The following CHTF18 variants were observed in gnomAD, a reference collection of about 807,000 sequenced individuals.
CHTF18 encodes chromosome transmission fidelity protein 18 homolog.
CHTF18 carries 151 observed loss-of-function variants against 113.4 expected under a neutral mutation model. That is an observed-to-expected ratio of 1.33 (90% confidence interval 1.17 to 1.52). The LOEUF (loss-of-function observed/expected upper bound fraction) is 1.52, where lower values mean the gene tolerates loss of function less well. Among genes scored for constraint, CHTF18 ranks in the 40% most tolerant of loss-of-function variants. The probability of loss-of-function intolerance (pLI) is 0.00; values close to 1 mark genes in which losing one functional copy is unlikely to be tolerated. For synonymous variants in CHTF18, 916 were observed against 598.8 expected (o/e 1.53, Z -7.74); for missense variants, 1,982 against 1,381.6 (o/e 1.43, Z -6.89).
chr16:790,467 G>T (rs893540531), intron 6 of CHTF18, 58 bp from the exon 7 acceptor site: 2 of 1,609,370 alleles, frequency 1.2e-6, no homozygotes, highest in East Asian at 2.2e-5. Flanking sequence ...AGCTCCTAGC[G>T]TGTGGGTTGG....
intron 14 of CHTF18, 145 bp from the exon 15 acceptor site, chr16:793,909 C>A: frequency 1.1e-6 from 1 of 902,682 alleles, no homozygotes; most frequent in Non-Finnish European, 1.7e-6. Flanking sequence ...TTGGCTGTCT[C>A]CACCTGAGCG....
Position 793,267 on chromosome 16 carries a change from G to T in CHTF18, c.1795G>T (p.Ala599Ser), listed in dbSNP as rs2042251670. Residue 599 changes from alanine to serine, a missense_variant, in exon 14 of 22, where the codon GCC (alanine) becomes TCC (serine). Physicochemically the swap from Ala to Ser is moderately conservative, Grantham distance 99. Coordinates refer to ENST00000262315, the MANE Select transcript of CHTF18 (RefSeq NM_022092.3). ...GCAGGAGGTCTTCCAGCTGCCTCGA[G>T]CCCAGAGGTAGGCGGTGGCCACAGC... is the stretch of plus-strand genomic sequence containing the variant. ...VWQEVFQLPRAQRRRVGQDPA... is the reference protein window; with the variant it reads ...VWQEVFQLPRSQRRRVGQDPA... 1.2e-6 allele frequency: 2 copies of T among 1,606,952 alleles called. No homozygotes were observed. The highest frequency in any genetic ancestry group is 8.5e-7 in the Non-Finnish European group (1 of 1,178,454).
chr16:790,130 T>C (rs1377753304), intron 4 of CHTF18, 47 bp from the exon 5 acceptor site: 3 of 1,551,626 alleles, frequency 1.9e-6, no homozygotes, highest in African/African-American at 2.7e-5. Flanking sequence ...ACGTGAATCC[T>C]GTGACCTAGG....
In CHTF18 at chr16:798,064, A is replaced by G; in HGVS notation, c.*89A>G. On this transcript the variant is annotated 3_prime_UTR_variant, in exon 22 of 22. Coordinates refer to ENST00000262315, the MANE Select transcript of CHTF18 (RefSeq NM_022092.3). ...GATGTCTTTATAAAGTCACACCTTT[A>G]CAGACTGTAATCACGTGCGAGTGGA... is the stretch of plus-strand genomic sequence containing the variant. The G allele has an allele frequency of 2.0e-6, 3 of 1,501,584 alleles. No individual in the cohort carries two copies. The highest frequency in any genetic ancestry group is 2.7e-6 in the Non-Finnish European group (3 of 1,116,032). The allele number at this position is 1,501,584 out of a possible 1,614,324, so 93.0% of individuals were successfully genotyped here.
intron 18 of CHTF18, 122 bp downstream of exon 18, chr16:796,199 C>G (rs1023002527): frequency 3.1e-6 from 4 of 1,304,512 alleles, no homozygotes; most frequent in African/African-American, 1.5e-5. Flanking sequence ...GGTGGCGGGC[C>G]CCAGCTTATC....
In CHTF18 at chr16:790,653, T is replaced by G; in HGVS notation, c.881T>G (p.Leu294Arg). Reference sequence around the variant, plus strand: ...TTTGCACCCCGCCACTACACGGAGCTGCTCAGTGATGACGTGAGGTCTTGT... The same window carrying G: ...TTTGCACCCCGCCACTACACGGAGCGGCTCAGTGATGACGTGAGGTCTTGT... ...DEFAPRHYTELLSDDFTNRCL... is the reference protein window; with the variant it reads ...DEFAPRHYTERLSDDFTNRCL... The change falls in exon 7 of 22, where the codon CTG becomes CGG. Residue 294 changes from leucine (L) to arginine (R), a missense_variant. Coordinates refer to ENST00000262315, the MANE Select transcript of CHTF18 (RefSeq NM_022092.3). 6.3e-7 allele frequency: 1 copy of G among 1,577,070 alleles called. No individual in the cohort carries two copies. The highest frequency in any genetic ancestry group is 8.6e-7 in the Non-Finnish European group (1 of 1,168,082).
At position 797,048 on chromosome 16, in the gene CHTF18, C is replaced by T. The variant is rs370999652; in HGVS notation, c.2689C>T (p.Gln897Ter). 7.7e-6 allele frequency: 12 copies of T among 1,559,986 alleles called. No homozygotes were observed. The highest frequency in any genetic ancestry group is 1.2e-5 in the South Asian group (1 of 83,084). ...CCGACCTGCCCCACGCAACCATGAG[C>T]AGCGGCTGGAGCACATCATGAGGCG... ...VHRPAPRNHEQRLEHIMRRAA... is the reference protein window; with the variant it reads ...VHRPAPRNHE Residue 897 changes from glutamine to a stop codon, truncating the protein, a stop_gained, in exon 20 of 22, where the codon CAG (glutamine) becomes TAG (stop). Coordinates refer to ENST00000262315, the MANE Select transcript of CHTF18 (RefSeq NM_022092.3). LOFTEE classifies it high-confidence loss of function.
chr16:793,428 T>C (rs367781057), intron 14 of CHTF18, among the ~76,000 whole-genome samples, 154 bp downstream of exon 14: 1 of 152,012 alleles, frequency 6.6e-6, no homozygotes, highest in African/African-American at 2.4e-5. Flanking sequence ...TCCTCAGCCT[T>C]TTCCTGGCTT....
chr16:791,845 C>G lies in CHTF18; in HGVS notation c.1105-6C>G. 2 of 1,599,574 alleles carry G rather than the reference C, an allele frequency of 1.3e-6. No individual in the cohort carries two copies. The highest frequency in any genetic ancestry group is 1.3e-5 in the African/African-American group (1 of 74,866). On this transcript the variant is annotated splice_region_variant and splice_polypyrimidine_tract_variant and intron_variant, in intron 8 of 21. Coordinates refer to ENST00000262315, the MANE Select transcript of CHTF18 (RefSeq NM_022092.3). The stretch of plus-strand genomic sequence containing the variant: ...CACACTACGCCTTCATCTACCTGGG[C>G]TGCAGGTGGCACTGCTCTGTGGGCC...
chr16:795,906 C>A, intron 17 of CHTF18, 41 bp from the exon 18 acceptor site: 1 of 1,601,286 alleles, frequency 6.2e-7, no homozygotes, highest in South Asian at 1.1e-5. Flanking sequence ...CACATTTGTA[C>A]AGCCTGCTCA....
chr16:795,234 G>T lies in CHTF18; in HGVS notation c.2053G>T (p.Ala685Ser). Residue 685 changes from alanine to serine, a missense_variant, in exon 16 of 22, where the codon GCT (alanine) becomes TCT (serine). By Grantham distance (99) the Ala-to-Ser change is moderately conservative. Coordinates refer to ENST00000262315, the MANE Select transcript of CHTF18 (RefSeq NM_022092.3). ...GGCCTTCGATGACCTGCTGGCGGGG[G>T]CTGCTCATCACAGCCAGAGCTTCCA... is the stretch of plus-strand genomic sequence containing the variant. Reference protein sequence around the residue: ...WLAFDDLLAGAAHHSQSFQLL... With the variant: ...WLAFDDLLAGSAHHSQSFQLL... 6.4e-7 allele frequency: 1 copy of T among 1,550,778 alleles called. No individual in the cohort carries two copies. Among genetic ancestry groups the T allele is most frequent in the Non-Finnish European group, 8.7e-7 (1 of 1,147,594 alleles).
At position 795,731 on chromosome 16, in the gene CHTF18, T is replaced by G. The variant is rs979223978; in HGVS notation, c.2222T>G (p.Val741Gly). Residue 741 changes from valine (V) to glycine (G), a missense_variant, in exon 17 of 22, where the codon GTG becomes GGG. Transcript: ENST00000262315. ...ATGAGGAACCTGATCCAGACGCTGGTGTCCGGCATCGCGCCAGCCACGCGC... is the reference window on the plus strand; with the variant it reads ...ATGAGGAACCTGATCCAGACGCTGGGGTCCGGCATCGCGCCAGCCACGCGC... ...SQMRNLIQTL[V>G]SGIAPATRSR... The G allele has an allele frequency of 6.2e-7, 1 of 1,606,198 alleles. No homozygotes were observed. The highest frequency in any genetic ancestry group is 1.4e-5 in the African/African-American group (1 of 72,824).
Position 789,380 on chromosome 16 carries a change from G to T in CHTF18, c.437+20G>T. The T allele has an allele frequency of 6.4e-7, 1 of 1,566,076 alleles. No homozygotes were observed. Among genetic ancestry groups the T allele is most frequent in the Non-Finnish European group, 8.6e-7 (1 of 1,157,792 alleles). On this transcript the variant is annotated intron_variant, in intron 3 of 21. Transcript: ENST00000262315. ...CCACGGGTGTGTGGCTTGGACATGG[G>T]CGTCCCATCCCATCTGTCCAGTGGG...
chr16:797,556 G>A, intron 20 of CHTF18, 138 bp from the exon 21 acceptor site: 2 of 841,196 alleles, frequency 2.4e-6, no homozygotes, highest in Non-Finnish European at 3.7e-6. Flanking sequence ...GGGGCAGCTG[G>A]CCTGGGCCAG....
At chr16:795,921 C>G (rs148668084) in intron 17 of CHTF18, 26 bp from the exon 18 acceptor site, 6 of 1,602,810 alleles carry the variant, frequency 3.7e-6, no homozygotes, top group Non-Finnish European at 5.1e-6. Flanking sequence ...TGCTCAGCTC[C>G]CTGTCTGCTG....
Position 793,129 on chromosome 16 carries a change from C to T in CHTF18, c.1672-15C>T, listed in dbSNP as rs1416154048. 2 of 1,587,794 alleles carry T rather than the reference C, an allele frequency of 1.3e-6. No individual in the cohort carries two copies. The highest frequency in any genetic ancestry group is 1.7e-6 in the Non-Finnish European group (2 of 1,168,698). ...CAGGAGTTGGCCGCTTCTCATGCCC[C>T]CGCCCTATGTCTAGTTCCTGTACAG... On this transcript the variant is annotated splice_polypyrimidine_tract_variant and intron_variant, in intron 13 of 21. Transcript: ENST00000262315.
In CHTF18 at chr16:790,231, G is replaced by T. The variant is rs780948342; in HGVS notation, c.661G>T (p.Val221Leu). The part of the protein sequence containing the change: ...RGGGQLDLLG[V>L]SLASLKKQVD... ...CGGTGGCCAGCTGGACCTGCTGGGT[G>T]TGTCCTTAGCCTCCCTGAAGAAGCA... The change falls in exon 5 of 22, where the codon GTG (valine) becomes TTG (leucine). Residue 221 changes from valine to leucine, a missense_variant. Val to Leu is a conservative substitution (Grantham distance 32). Transcript: ENST00000262315. 2 of 1,606,626 alleles carry T rather than the reference G, an allele frequency of 1.2e-6. No individual in the cohort carries two copies. The highest frequency in any genetic ancestry group is 2.2e-5 in the South Asian group (2 of 89,824).
intron 18 of CHTF18, among the ~76,000 whole-genome samples, 155 bp downstream of exon 18, chr16:796,232 A>T (rs1322946295): frequency 6.6e-6 from 1 of 152,176 alleles, no homozygotes; most frequent in African/African-American, 2.4e-5. Context: ...GTAACCGTGA[A>T]GGGGGGTCAC....
intron 4 of CHTF18, 29 bp from the exon 5 acceptor site, chr16:790,148 C>T (rs747749944): frequency 7.0e-6 from 11 of 1,566,964 alleles, no homozygotes; most frequent in Admixed American, 3.7e-5. Flanking sequence ...AGGAGGGGCC[C>T]AGAGGCAATT....
Sources: allele counts gnomAD v4.1 joint callset (sites outside exome capture counted in the v4.1 genomes callset), GRCh38; gene constraint gnomAD v4.1.1; transcripts MANE v1.5; gene names NCBI Gene and HGNC (gene_info 2026-07-23, HGNC 2026-07-21).